FBXL17: variants seen among roughly 807,000 people sequenced by gnomAD.
The protein encoded by FBXL17 is F-box/LRR-repeat protein 17.
Under a neutral mutation model 66.2 loss-of-function variants are expected in FBXL17, and 22 were observed. The ratio of observed to expected loss-of-function variants is 0.33; its 90% CI spans 0.24 to 0.47. FBXL17 has a LOEUF of 0.47. Ranked by LOEUF, FBXL17 falls within the 20% of genes least tolerant of loss-of-function variation. The pLI is 1.00. For synonymous variants in FBXL17, 474 were observed against 400.5 expected, an observed-to-expected ratio of 1.18 and a Z score of -2.19; for missense variants, 878 against 948.2, an observed-to-expected ratio of 0.93 and a Z score of 0.97.
chr5:108,218,615 G>A (rs1754713039), intron 5 of FBXL17, among the ~76,000 whole-genome samples: 1 of 152,008 alleles, frequency 6.6e-6, no homozygotes. Flanking sequence ...TTTAATAACA[G>A]CCATTCTAAC....
At chr5:108,212,960 T>C (rs890446930) in intron 5 of FBXL17, among the ~76,000 whole-genome samples, 3 of 152,190 alleles carry the variant, frequency 2.0e-5, no homozygotes, top group Admixed American at 6.5e-5. Context: ...ATAGGGGTTT[T>C]ATCTATATGT....
intron 6 of FBXL17, among the ~76,000 whole-genome samples, chr5:108,109,790 T>A: frequency 6.6e-6 from 1 of 152,282 alleles, no homozygotes; most frequent in Middle Eastern, 3.4e-3. Context: ...TGTATATCAA[T>A]ACAAGAGCAA....
intron 6 of FBXL17, among the ~76,000 whole-genome samples, chr5:108,084,159 G>C (rs898431869): frequency 6.6e-6 from 1 of 152,160 alleles, no homozygotes; most frequent in Non-Finnish European, 1.5e-5. Flanking sequence ...AAACGCTAGA[G>C]TGCCTTTTCT....
In FBXL17 at chr5:108,154,606, A is replaced by AAAATATAT. The variant is rs1412644290; in HGVS notation, c.1745+31510_1745+31511insATATATTT. Among the ~76,000 whole-genome samples the AAAATATAT allele has an allele frequency of 4.1e-5, 4 of 96,728 alleles. 1 individual carries two copies. The highest frequency in any genetic ancestry group is 1.8e-4 in the African/African-American group (4 of 22,742). 63.5% of individuals were successfully genotyped at this position (96,728 alleles called of 152,430 possible). A position where few individuals can be genotyped will look rare whatever the true frequency, so the allele number is the denominator to read the frequency against. On this transcript the variant is annotated intron_variant, in intron 6 of 8. Coordinates refer to ENST00000542267, the MANE Select transcript of FBXL17 (RefSeq NM_001163315.3). ...ACTCAGTTTCAAAAAAAAAAAAAAA[A>AAAATATAT]ATATATATATACACACACACACACA...
At chr5:108,151,542 C>T (rs991866867) in intron 6 of FBXL17, among the ~76,000 whole-genome samples, 5 of 152,126 alleles carry the variant, frequency 3.3e-5, no homozygotes, top group African/African-American at 1.2e-4. Context: ...ATTCCCAAAT[C>T]GGAAGTCAAG....
intron 7 of FBXL17, among the ~76,000 whole-genome samples, chr5:107,951,796 A>C (rs1751506744): frequency 6.6e-6 from 1 of 152,250 alleles, no homozygotes; most frequent in African/African-American, 2.4e-5. Flanking sequence ...AATTGTGCTA[A>C]AAATGGCAGT....
At position 108,381,776 on chromosome 5, in the gene FBXL17, C is replaced by T. The variant is rs1374158710; in HGVS notation, c.-85G>A. 7.3e-7 allele frequency: 1 copy of T among 1,363,982 alleles called. No homozygotes were observed. Among genetic ancestry groups the T allele is most frequent in the African/African-American group, 1.5e-5 (1 of 65,126 alleles). The allele number at this position is 1,363,982 out of a possible 1,614,324, so 84.5% of individuals were successfully genotyped here. A position where few individuals can be genotyped will look rare whatever the true frequency, so the allele number is the denominator to read the frequency against. On this transcript the variant is annotated 5_prime_UTR_variant, in exon 1 of 9. Coordinates refer to ENST00000542267, the MANE Select transcript of FBXL17 (RefSeq NM_001163315.3). ...TCCCGGCAGCGGGGCAGGCCGCTCG[C>T]TGGCTCGGCCCCCGGAGGGGTCGCC...
At chr5:108,228,055 T>C (rs1224684338) in intron 4 of FBXL17, among the ~76,000 whole-genome samples, 2 of 152,118 alleles carry the variant, frequency 1.3e-5, no homozygotes, top group Non-Finnish European at 2.9e-5. Context: ...GGCCAGAGCA[T>C]TCAGAGAGAA....
intron 1 of FBXL17, among the ~76,000 whole-genome samples, chr5:108,373,198 T>A (rs578023278): frequency 8.0e-6 from 1 of 124,732 alleles, no homozygotes; most frequent in African/African-American, 3.1e-5. Flanking sequence ...ATTACATAAA[T>A]ATAACATATC....
At chr5:108,343,536 C>A (rs139109916) in intron 4 of FBXL17, among the ~76,000 whole-genome samples, 1 of 152,100 alleles carries the variant, frequency 6.6e-6, no homozygotes, top group African/African-American at 2.4e-5. Flanking sequence ...ACTAAGGGTG[C>A]GGACAACCAA....
chr5:108,075,838 G>T (rs961400784), intron 6 of FBXL17, among the ~76,000 whole-genome samples: 1 of 151,928 alleles, frequency 6.6e-6, no homozygotes. Context: ...TAAAGTCAAG[G>T]TTATCATGTC....
chr5:108,201,962 A>G (rs1203158047), intron 5 of FBXL17, among the ~76,000 whole-genome samples: 1 of 152,096 alleles, frequency 6.6e-6, no homozygotes, highest in East Asian at 1.9e-4. Flanking sequence ...TCCTTTTTAC[A>G]AGAGTATTTT....
Position 107,878,799 on chromosome 5 carries a change from G to A in FBXL17, c.1965+2238C>T, listed in dbSNP as rs889749985. 1.6e-5 allele frequency: 16 copies of A among 985,352 alleles called. No homozygotes were observed. The African/African-American group carries it at 2.6e-4, about 16-fold the overall frequency. 61.0% of individuals were successfully genotyped at this position (985,352 alleles called of 1,614,324 possible). A position where few individuals can be genotyped will look rare whatever the true frequency, so the allele number is the denominator to read the frequency against. ...GTCTTCCATCCTCACAGAGCCTCTC[G>A]TGTTTGGCTCTGAGCTGCTTTAAGT... On this transcript the variant is annotated intron_variant, in intron 8 of 8. Coordinates refer to ENST00000542267, the MANE Select transcript of FBXL17 (RefSeq NM_001163315.3).
intron 5 of FBXL17, among the ~76,000 whole-genome samples, chr5:108,188,395 G>C (rs1474979548): frequency 6.6e-6 from 1 of 152,200 alleles, no homozygotes; most frequent in East Asian, 1.9e-4. Flanking sequence ...AGTAAAGGCA[G>C]AGCTTCAGGA....
intron 7 of FBXL17, among the ~76,000 whole-genome samples, chr5:107,959,381 A>AACACAC (rs57041975): frequency 0.19 from 27,561 of 147,790 alleles, 2,743 homozygotes; most frequent in Non-Finnish European, 0.22. Context: ...GGCTGCTATA[A>AACACAC]ACACACACAC....
intron 5 of FBXL17, among the ~76,000 whole-genome samples, chr5:108,201,525 A>G (rs1038104276): frequency 3.3e-5 from 5 of 152,168 alleles, no homozygotes; most frequent in South Asian, 2.1e-4. Flanking sequence ...TTTTTAATAA[A>G]TGTTTTAAAT....
intron 2 of FBXL17, among the ~76,000 whole-genome samples, 185 bp downstream of exon 2, chr5:108,367,646 G>C (rs990852672): frequency 6.6e-6 from 1 of 151,992 alleles, no homozygotes; most frequent in Non-Finnish European, 1.5e-5. Context: ...AAACTATCTT[G>C]TTTACTATGA....
rs111610415 is a variant in FBXL17, at chr5:108,161,418, G to A, written c.1745+24699C>T. ...GGAGAATTGCTTGAACCCGGGAGGC[G>A]GAGGTTGCAGCGAGCTGAGATCGTG... On this transcript the variant is annotated intron_variant, in intron 6 of 8. Coordinates refer to ENST00000542267, the MANE Select transcript of FBXL17 (RefSeq NM_001163315.3). 9.2e-5 allele frequency among the ~76,000 whole-genome samples: 14 copies of A among 152,192 alleles called. 2 individuals are homozygous for A. The highest frequency in any genetic ancestry group is 2.4e-4 in the African/African-American group (10 of 41,534).
At chr5:108,339,579 TAA>T (rs764302968) in intron 4 of FBXL17, among the ~76,000 whole-genome samples, 1 of 140,982 alleles carries the variant, frequency 7.1e-6, no homozygotes, top group Non-Finnish European at 1.6e-5. Flanking sequence ...AGATTTTTAT[TAA>T]AAAAAAAAAA....
Sources: gnomAD v4.1 joint callset for allele counts (sites outside exome capture counted in the v4.1 genomes callset) on GRCh38, gnomAD v4.1.1 for gene constraint, MANE v1.5 for transcripts, NCBI Gene and HGNC (gene_info 2026-07-23, HGNC 2026-07-21) for gene names.